Variants in LGSN observed in about 807,000 individuals in gnomAD.
LGSN encodes the protein lengsin.
In LGSN, 21 loss-of-function variants were observed where a neutral mutation model predicts 19.5. The observed-to-expected ratio is 1.07, with a 90% CI of 0.76 to 1.55. The LOEUF (loss-of-function observed/expected upper bound fraction) is 1.55, where lower values mean the gene tolerates loss of function less well. Ranked by LOEUF, LGSN falls within the 40% of genes most tolerant of loss-of-function variation. The pLI is 0.00. For synonymous variants in LGSN, 257 were observed against 215.6 expected, an observed-to-expected ratio of 1.19 and a Z score of -1.68; for missense variants, 673 against 608.5, an observed-to-expected ratio of 1.11 and a Z score of -1.12.
At chr6:63,335,648 C>CA in the LGSN span, among the ~76,000 whole-genome samples, 18 of 151,414 alleles carry the variant, frequency 1.2e-4, no homozygotes, top group Non-Finnish European at 2.4e-4. Context: ...TGGCTATTGT[C>CA]AAAAAAACAA....
At chr6:63,379,138 T>TA in the LGSN span, among the ~76,000 whole-genome samples, 1 of 152,094 alleles carries the variant, frequency 6.6e-6, no homozygotes, top group Non-Finnish European at 1.5e-5. Flanking sequence ...ATCCCTCAAT[T>TA]AAAAGCATGT....
At chr6:63,477,440 T>G in the LGSN span, among the ~76,000 whole-genome samples, 1 of 152,142 alleles carries the variant, frequency 6.6e-6, no homozygotes, top group South Asian at 2.1e-4. Context: ...ATGATGAAAT[T>G]GCTGTATCTT....
chr6:63,400,501 A>T, the LGSN span, among the ~76,000 whole-genome samples: 1 of 152,218 alleles, frequency 6.6e-6, no homozygotes, highest in African/African-American at 2.4e-5. Context: ...GATTAAATAC[A>T]GTCAAGGGCT....
intron 3 of LGSN, among the ~76,000 whole-genome samples, chr6:63,282,532 C>A (rs1365475502): frequency 1.3e-5 from 2 of 152,166 alleles, no homozygotes; most frequent in East Asian, 1.9e-4. Flanking sequence ...CAGACTATTT[C>A]TTATGCTACC....
chr6:63,403,598 C>T, the LGSN span, among the ~76,000 whole-genome samples: 8 of 151,338 alleles, frequency 5.3e-5, no homozygotes, highest in African/African-American at 1.7e-4. Flanking sequence ...AAAATAGTTT[C>T]GGGGGAAGAT....
chr6:63,285,990 A>G (rs1259425342), intron 2 of LGSN, among the ~76,000 whole-genome samples: 1 of 152,212 alleles, frequency 6.6e-6, no homozygotes, highest in Non-Finnish European at 1.5e-5. Context: ...GTCAAAATTG[A>G]CATTATTTGC....
At position 63,277,101 on chromosome 6, in the gene LGSN, A is replaced by C. The variant is rs1375102590; in HGVS notation, c.*2920T>G. 1 of 152,180 alleles carries C rather than the reference A, an allele frequency of 6.6e-6. No homozygotes were observed. The highest frequency in any genetic ancestry group is 1.5e-5 in the Non-Finnish European group (1 of 68,026). The allele number at this position is 152,180 out of a possible 1,614,324, so 9.4% of individuals were successfully genotyped here. A position where few individuals can be genotyped will look rare whatever the true frequency, so the allele number is the denominator to read the frequency against. On this transcript the variant is annotated 3_prime_UTR_variant, in exon 4 of 4. Coordinates refer to ENST00000370657, the MANE Select transcript of LGSN (RefSeq NM_016571.3). ...GACTGTACACTTAATACTGAAGATA[A>C]TATTCCTAGTTATATAATTCCTTCA...
the LGSN span, among the ~76,000 whole-genome samples, chr6:63,341,862 A>G: frequency 6.6e-6 from 1 of 152,186 alleles, no homozygotes; most frequent in African/African-American, 2.4e-5. Flanking sequence ...AGATTCTCAA[A>G]TGTCTAACAA....
the LGSN span, among the ~76,000 whole-genome samples, chr6:63,524,538 T>C: frequency 2.0e-5 from 3 of 152,164 alleles, no homozygotes; most frequent in Non-Finnish European, 4.4e-5. Context: ...CCTATATGAA[T>C]TTATTGTTCA....
At chr6:63,528,528 C>T in the LGSN span, among the ~76,000 whole-genome samples, 3 of 152,066 alleles carry the variant, frequency 2.0e-5, no homozygotes, top group Non-Finnish European at 2.9e-5. Context: ...TGTTCAAGGC[C>T]AGCCTGGGCA....
At chr6:63,480,841 T>C in the LGSN span, among the ~76,000 whole-genome samples, 1 of 144,844 alleles carries the variant, frequency 6.9e-6, no homozygotes, top group Admixed American at 6.9e-5. Context: ...AAAAAAAAAC[T>C]TGCACACATA....
At chr6:63,567,438 T>C in the LGSN span, among the ~76,000 whole-genome samples, 2 of 152,234 alleles carry the variant, frequency 1.3e-5, no homozygotes, top group Admixed American at 6.5e-5. Context: ...TCAGTGACCA[T>C]GTGCATTGTC....
chr6:63,371,547 T>C, the LGSN span, among the ~76,000 whole-genome samples: 1 of 152,228 alleles, frequency 6.6e-6, no homozygotes, highest in East Asian at 1.9e-4. Context: ...GGTGTTGATA[T>C]TTCTGCTGTA....
chr6:63,310,452 AT>A (rs1768578704), intron 1 of LGSN, among the ~76,000 whole-genome samples: 1 of 152,088 alleles, frequency 6.6e-6, no homozygotes, highest in African/African-American at 2.4e-5. Context: ...ATTATCTCCC[AT>A]TTTTTGTGGT....
chr6:63,364,185 T>A, the LGSN span, among the ~76,000 whole-genome samples: 1 of 151,832 alleles, frequency 6.6e-6, no homozygotes. Flanking sequence ...AGGAGACCCA[T>A]CTCACATGCA....
chr6:63,390,428 C>T, the LGSN span, among the ~76,000 whole-genome samples: 1 of 151,528 alleles, frequency 6.6e-6, no homozygotes, highest in Non-Finnish European at 1.5e-5. Context: ...TTGTGCCAGC[C>T]GGATTCCACA....
intron 3 of LGSN, among the ~76,000 whole-genome samples, chr6:63,283,264 G>C (rs543448019): frequency 6.6e-6 from 1 of 151,978 alleles, no homozygotes; most frequent in Non-Finnish European, 1.5e-5. Flanking sequence ...ATAATATATT[G>C]TCTTAAGTAG....
chr6:63,300,047 G>C (rs1303000898), intron 1 of LGSN, among the ~76,000 whole-genome samples: 1 of 152,170 alleles, frequency 6.6e-6, no homozygotes, highest in Non-Finnish European at 1.5e-5. Context: ...CTGAGGCCTG[G>C]AGAGGTGGTC....
the LGSN span, among the ~76,000 whole-genome samples, chr6:63,518,022 G>A: frequency 6.6e-6 from 1 of 151,976 alleles, no homozygotes; most frequent in East Asian, 1.9e-4. Flanking sequence ...TGTGGTGGCA[G>A]GCGCCTGTAA....
Sources: gnomAD v4.1 joint callset for allele counts (sites outside exome capture counted in the v4.1 genomes callset) on GRCh38, gnomAD v4.1.1 for gene constraint, MANE v1.5 for transcripts, NCBI Gene and HGNC (gene_info 2026-07-23, HGNC 2026-07-21) for gene names.